Variants in GHR observed in about 807,000 individuals in gnomAD.
The protein encoded by GHR is GH receptor.
GHR carries 35 observed loss-of-function variants against 67.1 expected under a neutral mutation model. The observed-to-expected ratio is 0.52, with a 90% CI of 0.40 to 0.69. The LOEUF is 0.69. Among genes scored for constraint, GHR ranks in the 30% least tolerant of loss-of-function variants. GHR has a pLI of 0.00. For missense variants in GHR, 792 were observed against 764.6 expected, an observed-to-expected ratio of 1.04 and a Z score of -0.42; for synonymous variants, 272 against 269.1, an observed-to-expected ratio of 1.01 and a Z score of -0.10.
intron 3 of GHR, among the ~76,000 whole-genome samples, chr5:42,647,137 TATA>T (rs893744873): frequency 2.0e-5 from 3 of 152,124 alleles, no homozygotes; most frequent in Admixed American, 2.0e-4. Context: ...ATGGTATAAT[TATA>T]ACATTATGGT....
At chr5:42,690,305 T>A (rs1390795605) in intron 4 of GHR, among the ~76,000 whole-genome samples, 1 of 152,188 alleles carries the variant, frequency 6.6e-6, no homozygotes, top group Non-Finnish European at 1.5e-5. Context: ...CAAGGAATAC[T>A]AGGGAAATTA....
At chr5:42,581,957 C>T (rs368712581) in intron 2 of GHR, among the ~76,000 whole-genome samples, 18 of 152,358 alleles carry the variant, frequency 1.2e-4, no homozygotes, top group African/African-American at 2.2e-4. Context: ...GCACCCGCTC[C>T]GGGGTGAAGC....
intron 1 of GHR, among the ~76,000 whole-genome samples, chr5:42,507,725 C>T (rs748830661): frequency 3.3e-5 from 5 of 152,180 alleles, no homozygotes; most frequent in Non-Finnish European, 7.3e-5. Context: ...AGAAGGAAAC[C>T]GTGTTACTCT....
intron 3 of GHR, among the ~76,000 whole-genome samples, chr5:42,660,739 C>A (rs1394260459): frequency 6.6e-6 from 1 of 152,336 alleles, no homozygotes; most frequent in East Asian, 1.9e-4. Context: ...TCCTCACCAG[C>A]AACGGAACAA....
chr5:42,666,554 G>A (rs2112885768), intron 3 of GHR, among the ~76,000 whole-genome samples: 1 of 152,172 alleles, frequency 6.6e-6, no homozygotes, highest in South Asian at 2.1e-4. Context: ...TTAAATTTGA[G>A]TTTAAATTAA....
chr5:42,597,672 T>C (rs1404822209), intron 2 of GHR, among the ~76,000 whole-genome samples: 6 of 152,174 alleles, frequency 3.9e-5, no homozygotes, highest in South Asian at 2.1e-4. Flanking sequence ...GTATCTACGA[T>C]TGACAATCGG....
intron 1 of GHR, chr5:42,465,704 A>G (rs1333009496): frequency 4.6e-6 from 4 of 877,348 alleles, no homozygotes; most frequent in Non-Finnish European, 7.9e-6. Context: ...GTAATGTGAA[A>G]AAAAAGATCT....
chr5:42,686,098 C>A (rs999555390), intron 3 of GHR, among the ~76,000 whole-genome samples: 1 of 152,090 alleles, frequency 6.6e-6, no homozygotes, highest in Non-Finnish European at 1.5e-5. Context: ...GTCTTTAATC[C>A]ATCTTGAGTT....
intron 9 of GHR, 53 bp from the exon 10 acceptor site, chr5:42,718,400 T>G (rs1758831161): frequency 2.3e-6 from 3 of 1,305,144 alleles, no homozygotes; most frequent in Non-Finnish European, 3.3e-6. Context: ...GCTAATTCAT[T>G]TAATTATTAT....
rs1463018876 is a variant in GHR, at chr5:42,630,880, T to C, written c.136+1777T>C. On this transcript the variant is annotated intron_variant, in intron 3 of 9. Transcript: ENST00000230882. ...TGGCAGTAGGATTTCTCTAAGTAAT[T>C]TTCTTTACTTATATGAGTGCAGGAT... Among the ~76,000 whole-genome samples, 2 of 119,386 alleles carry C rather than the reference T, an allele frequency of 1.7e-5. 1 individual carries two copies. The allele number at this position is 119,386 out of a possible 152,430, so 78.3% of individuals were successfully genotyped here.
At chr5:42,438,057 G>A (rs1743408935) in intron 1 of GHR, among the ~76,000 whole-genome samples, 1 of 152,098 alleles carries the variant, frequency 6.6e-6, no homozygotes, top group Admixed American at 6.6e-5. Flanking sequence ...CTCTTAGAAG[G>A]CAAAGGGCTA....
chr5:42,658,606 T>G (rs1272659364), intron 3 of GHR, among the ~76,000 whole-genome samples: 1 of 152,178 alleles, frequency 6.6e-6, no homozygotes, highest in African/African-American at 2.4e-5. Flanking sequence ...TAAAGTGAAT[T>G]ATAATTCTCA....
rs781454088 is a variant in GHR at position 42,688,967 on chromosome 5, G to T, written c.214G>T (p.Val72Phe). The change falls in exon 4 of 10, where the codon GTT becomes TTT. Residue 72 changes from valine (V) to phenylalanine (F), a missense_variant. Coordinates refer to ENST00000230882, the MANE Select transcript of GHR (RefSeq NM_000163.5). ...ETFSCHWTDEVHHGTKNLGPI... is the reference protein window; with the variant it reads ...ETFSCHWTDEFHHGTKNLGPI... ...TTTTTCATGCCACTGGACAGATGAG[G>T]TTCATCATGGTACAAAGAACCTAGG... The T allele has an allele frequency of 1.9e-6, 3 of 1,613,312 alleles. No homozygotes were observed. In the South Asian group the frequency reaches 3.3e-5, roughly 18 times the overall value.
At chr5:42,607,890 C>T (rs977914229) in intron 2 of GHR, among the ~76,000 whole-genome samples, 4 of 152,192 alleles carry the variant, frequency 2.6e-5, no homozygotes, top group Non-Finnish European at 5.9e-5. Flanking sequence ...ACATTCAACA[C>T]CTCAATCTAC....
chr5:42,443,620 G>A (rs1743676894), intron 1 of GHR, among the ~76,000 whole-genome samples: 1 of 152,122 alleles, frequency 6.6e-6, no homozygotes, highest in Non-Finnish European at 1.5e-5. Flanking sequence ...GGGTGTGTGT[G>A]TGTGTGTGTG....
chr5:42,610,454 C>G (rs1752839001), intron 2 of GHR, among the ~76,000 whole-genome samples: 1 of 152,132 alleles, frequency 6.6e-6, no homozygotes, highest in African/African-American at 2.4e-5. Flanking sequence ...TAGGTAAAAT[C>G]ATTTATTTTT....
At chr5:42,506,556 C>G (rs1181222961) in intron 1 of GHR, among the ~76,000 whole-genome samples, 1 of 152,102 alleles carries the variant, frequency 6.6e-6, no homozygotes, top group Non-Finnish European at 1.5e-5. Context: ...TTTGATCTGT[C>G]TCTAGAATCA....
intron 1 of GHR, among the ~76,000 whole-genome samples, chr5:42,452,556 A>T (rs1258997230): frequency 6.6e-6 from 1 of 152,132 alleles, no homozygotes; most frequent in African/African-American, 2.4e-5. Flanking sequence ...TGACTGTTTA[A>T]TATAGTCCCA....
At chr5:42,433,438 G>T (rs1157717514) in intron 1 of GHR, among the ~76,000 whole-genome samples, 1 of 151,990 alleles carries the variant, frequency 6.6e-6, no homozygotes, top group Non-Finnish European at 1.5e-5. Flanking sequence ...ATCAAAAACA[G>T]AACATGTATT....
Sources: gnomAD v4.1 joint callset for allele counts (sites outside exome capture counted in the v4.1 genomes callset) on GRCh38, gnomAD v4.1.1 for gene constraint, MANE v1.5 for transcripts, NCBI Gene and HGNC (gene_info 2026-07-23, HGNC 2026-07-21) for gene names.